Variants in INCENP observed in about 807,000 individuals in gnomAD.
INCENP encodes the protein binds and activates aurora-B and -C in vivo and in vitro.
INCENP carries 43 observed loss-of-function variants against 107.3 expected under a neutral mutation model. That is an observed-to-expected ratio of 0.40 (90% CI 0.31 to 0.52). The LOEUF is 0.52. INCENP is among the 20% of genes least tolerant of loss of function. The pLI is 0.53. For missense variants in INCENP, 1,089 were observed against 1,250.9 expected, an observed-to-expected ratio of 0.87 and a Z score of 1.95; for synonymous variants, 488 against 494.4, an observed-to-expected ratio of 0.99 and a Z score of 0.17.
In INCENP at chr11:62,141,200, G is replaced by A. The variant is rs1675123; in HGVS notation, c.1593+156G>A. On this transcript the variant is annotated intron_variant, in intron 10 of 18. Transcript: ENST00000394818. ...GCCGGTTGAAGCCTCTGTGGCCACC[G>A]GCTGTCTTGACCTCTGAGGGCACTG... 0.73 allele frequency among the ~76,000 whole-genome samples: 110,734 copies of A among 152,174 alleles called. 41,587 individuals carry two copies. Among genetic ancestry groups the A allele is most frequent in the Middle Eastern group, 0.86 (252 of 294 alleles).
In INCENP at chr11:62,146,858, A is replaced by AGAGCAGGAGCGTCGGCGG. The variant is rs778849975; in HGVS notation, c.2172_2189dup (p.Arg725_Arg730dup). On this transcript the variant is annotated inframe_insertion, in exon 15 of 19. Transcript: ENST00000394818. The stretch of plus-strand genomic sequence containing the variant: ...GGCGCGAGCAGGAGCGACAGCTGGC[A>AGAGCAGGAGCGTCGGCGG]GAGCAGGAGCGTCGGCGGGAGCAGG... 2 of 1,582,942 alleles carry AGAGCAGGAGCGTCGGCGG rather than the reference A, an allele frequency of 1.3e-6. No individual in the cohort carries two copies. Among genetic ancestry groups the AGAGCAGGAGCGTCGGCGG allele is most frequent in the South Asian group, 1.1e-5 (1 of 88,058 alleles).
chr11:62,129,789 C>G lies in INCENP; in HGVS notation c.262C>G (p.Arg88Gly). The G allele has an allele frequency of 6.2e-7, 1 of 1,603,782 alleles. No homozygotes were observed. The highest frequency in any genetic ancestry group is 8.5e-7 in the Non-Finnish European group (1 of 1,177,272). The change falls in exon 4 of 19, where the codon CGC (arginine) becomes GGC (glycine). Residue 88 changes from arginine to glycine, a missense_variant. Transcript: ENST00000394818. ...CCCTGCTGCCCCTGCCAGGTTATCC[C>G]GCAGAAAGTCTCGGAGCAGCCAGCT... The part of the protein sequence containing the change: ...NRDPIRRRLS[R>G]RKSRSSQLSS...
chr11:62,147,788 CAG>C (rs1334584860), intron 15 of INCENP, among the ~76,000 whole-genome samples: 1 of 152,138 alleles, frequency 6.6e-6, no homozygotes, highest in African/African-American at 2.4e-5. Flanking sequence ...GTCCTCTGGG[CAG>C]AGTCTGGGAA....
intron 13 of INCENP, 143 bp from the exon 14 acceptor site, chr11:62,145,486 C>G (rs1034250179): frequency 7.6e-7 from 1 of 1,309,354 alleles, no homozygotes; most frequent in African/African-American, 1.5e-5. Context: ...CAGGCAGGAC[C>G]GGCTTCTGGT....
rs550587706 is a variant in INCENP at position 62,143,603 on chromosome 11, C to T, written c.1606-1379C>T. On this transcript the variant is annotated intron_variant, in intron 11 of 18. Transcript: ENST00000394818. ...GTGGGAGAGAGAGGTGGAGTATGTC[C>T]ACTCCATCTTACCCGTTCCCGGGAC... Among the ~76,000 whole-genome samples the T allele has an allele frequency of 2.2e-4, 33 of 152,252 alleles. 1 individual carries two copies. In the South Asian group the frequency reaches 3.5e-3, roughly 16 times the overall value.
chr11:62,132,349 G>A (rs1275868748), intron 4 of INCENP, among the ~76,000 whole-genome samples: 2 of 152,184 alleles, frequency 1.3e-5, no homozygotes, highest in Non-Finnish European at 2.9e-5. Flanking sequence ...AAGGCCGCAG[G>A]GCAGGGCCTG....
In INCENP at chr11:62,146,905, G is replaced by A; in HGVS notation, c.2204+3G>A. 6.2e-7 allele frequency: 1 copy of A among 1,601,002 alleles called. No homozygotes were observed. The highest frequency in any genetic ancestry group is 8.5e-7 in the Non-Finnish European group (1 of 1,178,850). ...CAGGAGCGGCTCCAGGCCGAGAGGT[G>A]AGGGACCTGCTGGCCCGCCTGCCTG... On this transcript the variant is annotated splice_donor_region_variant and intron_variant, in intron 15 of 18. Transcript: ENST00000394818.
chr11:62,146,157 C>G (rs1408100811), intron 14 of INCENP, among the ~76,000 whole-genome samples: 1 of 152,168 alleles, frequency 6.6e-6, no homozygotes, highest in Non-Finnish European at 1.5e-5. Flanking sequence ...TGGTCCACCC[C>G]CTGACTGTTC....
rs181419567 is a variant in INCENP at position 62,135,349 on chromosome 11, C to T, written c.1064-2483C>T. On this transcript the variant is annotated intron_variant, in intron 4 of 18. Coordinates refer to ENST00000394818, the MANE Select transcript of INCENP (RefSeq NM_001040694.2). ...GTGGTGCGATCTCAGCTCACTGCAACCTCTGCCTCCCGGTTCAAGTGATTC... is the reference window on the plus strand; with the variant it reads ...GTGGTGCGATCTCAGCTCACTGCAATCTCTGCCTCCCGGTTCAAGTGATTC... Among the ~76,000 whole-genome samples, 43 of 151,854 alleles carry T rather than the reference C, an allele frequency of 2.8e-4. No homozygotes were observed. The East Asian group carries it at 7.6e-3, about 27-fold the overall frequency.
rs771340661 is a variant in INCENP, at chr11:62,124,021, C to G, written c.-154C>G. On this transcript the variant is annotated 5_prime_UTR_variant, in exon 1 of 19. Transcript: ENST00000394818. ...TCAGTTTTGAAAATCATAGTTTTCGCCCGCGCTGCGCCGCCTGGTTGCTCC... is the reference window on the plus strand; with the variant it reads ...TCAGTTTTGAAAATCATAGTTTTCGGCCGCGCTGCGCCGCCTGGTTGCTCC... 2.0e-5 allele frequency: 3 copies of G among 152,252 alleles called. No individual in the cohort carries two copies. Among genetic ancestry groups the G allele is most frequent in the African/African-American group, 7.2e-5 (3 of 41,448 alleles). 9.4% of individuals were successfully genotyped at this position (152,252 alleles called of 1,614,324 possible).
At position 62,130,044 on chromosome 11, in the gene INCENP, A is replaced by G. The variant is rs1204536211; in HGVS notation, c.517A>G (p.Ile173Val). The change falls in exon 4 of 19, where the codon ATC becomes GTC. Residue 173 changes from isoleucine (I) to valine (V), a missense_variant. Transcript: ENST00000394818. Reference protein sequence around the residue: ...CQLVPVVEIGISERQNAEQHV... With the variant: ...CQLVPVVEIGVSERQNAEQHV... ...GCTGGTGCCTGTGGTGGAGATCGGC[A>G]TCAGTGAGCGCCAGAATGCTGAGCA... The G allele has an allele frequency of 6.2e-7, 1 of 1,613,750 alleles. No individual in the cohort carries two copies. Among genetic ancestry groups the G allele is most frequent in the Non-Finnish European group, 8.5e-7 (1 of 1,179,990 alleles).
intron 18 of INCENP, among the ~76,000 whole-genome samples, chr11:62,150,447 T>C (rs1468186158): frequency 6.6e-6 from 1 of 152,164 alleles, no homozygotes; most frequent in African/African-American, 2.4e-5. Flanking sequence ...TCAACAAATA[T>C]ATGAAATTGT....
At position 62,141,028 on chromosome 11, in the gene INCENP, T is replaced by G; in HGVS notation, c.1577T>G (p.Leu526Arg). The change falls in exon 10 of 19, where the codon CTG becomes CGG. Residue 526 changes from leucine (L) to arginine (R), a missense_variant. Transcript: ENST00000394818. ...MKSFIKRNTP[L>R]RMDPKCSFVE... ...TCCTTTATTAAGCGCAACACTCCCC[T>G]GCGCATGGACCCCAAGGTGAGGGGC... is the stretch of plus-strand genomic sequence containing the variant. The G allele has an allele frequency of 6.2e-7, 1 of 1,613,718 alleles. No individual in the cohort carries two copies. The highest frequency in any genetic ancestry group is 1.1e-5 in the South Asian group (1 of 90,998).
intron 10 of INCENP, 70 bp from the exon 11 acceptor site, chr11:62,141,430 T>C (rs1944119627): frequency 1.9e-6 from 3 of 1,600,670 alleles, no homozygotes; most frequent in Non-Finnish European, 2.6e-6. Flanking sequence ...CAGCTGGGCA[T>C]GTGGCCTGCC....
chr11:62,133,871 G>A (rs1943939345), intron 4 of INCENP, among the ~76,000 whole-genome samples: 3 of 152,064 alleles, frequency 2.0e-5, no homozygotes, highest in African/African-American at 4.8e-5. Context: ...TCCCTTCTCT[G>A]TGCCTGGCCT....
At chr11:62,141,388 A>G in intron 10 of INCENP, 112 bp from the exon 11 acceptor site, 1 of 1,380,746 alleles carries the variant, frequency 7.2e-7, no homozygotes, top group Non-Finnish European at 1.0e-6. Flanking sequence ...TGCTGCTGGC[A>G]GGAGGGCAGG....
intron 18 of INCENP, among the ~76,000 whole-genome samples, chr11:62,150,541 G>A (rs1459906599): frequency 6.6e-6 from 1 of 152,226 alleles, no homozygotes; most frequent in Non-Finnish European, 1.5e-5. Context: ...CAGGGCTGAA[G>A]AGACTTGGAC....
intron 4 of INCENP, among the ~76,000 whole-genome samples, 171 bp from the exon 5 acceptor site, chr11:62,137,661 A>G (rs1944020875): frequency 6.6e-6 from 1 of 152,060 alleles, no homozygotes; most frequent in Admixed American, 6.5e-5. Context: ...CAGCTCCGAT[A>G]AGGACACTAG....
chr11:62,145,092 G>A lies in INCENP; in HGVS notation c.1715+1G>A. Reference sequence around the variant, plus strand: ...GGCGGCGGCTGGAGGAGGTGAAGCTGTAAGTGGCCTGGCTTCCTGGACTGT... The same window carrying A: ...GGCGGCGGCTGGAGGAGGTGAAGCTATAAGTGGCCTGGCTTCCTGGACTGT... On this transcript the variant is annotated splice_donor_variant, in intron 12 of 18. Coordinates refer to ENST00000394818, the MANE Select transcript of INCENP (RefSeq NM_001040694.2). LOFTEE classifies it high-confidence loss of function. 1.9e-6 allele frequency: 3 copies of A among 1,613,894 alleles called. No homozygotes were observed. The highest frequency in any genetic ancestry group is 1.1e-5 in the South Asian group (1 of 91,086).
Sources: allele counts gnomAD v4.1 joint callset (sites outside exome capture counted in the v4.1 genomes callset), GRCh38; gene constraint gnomAD v4.1.1; transcripts MANE v1.5; gene names NCBI Gene and HGNC (gene_info 2026-07-23, HGNC 2026-07-21).